DNAH5: variants seen among roughly 807,000 people sequenced by gnomAD.
DNAH5 encodes axonemal beta dynein heavy chain 5.
A neutral mutation model predicts 518.2 loss-of-function variants in DNAH5; 372 were observed. That is an observed-to-expected ratio of 0.72 (90% CI 0.66 to 0.78). DNAH5 has a LOEUF of 0.78. Among genes scored for constraint, DNAH5 ranks in the 30% least tolerant of loss-of-function variants. The probability of loss-of-function intolerance (pLI) is 0.00; values close to 1 mark genes in which losing one functional copy is unlikely to be tolerated. For synonymous variants in DNAH5, 2,039 were observed against 2,025.9 expected, an observed-to-expected ratio of 1.01 and a Z score of -0.17; for missense variants, 5,523 against 5,687.0, an observed-to-expected ratio of 0.97 and a Z score of 0.93.
At chr5:13,951,592 A>G (rs1381202931) in intron 1 of DNAH5, among the ~76,000 whole-genome samples, 1 of 152,092 alleles carries the variant, frequency 6.6e-6, no homozygotes, top group African/African-American at 2.4e-5. Context: ...ATTTCATTTC[A>G]TAAGTCATTA....
intron 60 of DNAH5, among the ~76,000 whole-genome samples, chr5:13,759,447 G>GA (rs1231334232): frequency 2.0e-5 from 3 of 152,064 alleles, no homozygotes; most frequent in African/African-American, 7.2e-5. Context: ...GAGAGTTGTA[G>GA]AAAAAAACAA....
At chr5:13,880,676 C>A (rs1771533504) in intron 21 of DNAH5, among the ~76,000 whole-genome samples, 1 of 150,078 alleles carries the variant, frequency 6.7e-6, no homozygotes, top group Admixed American at 6.6e-5. Context: ...AAACATAAAG[C>A]AAAAGGCCAT....
chr5:13,974,590 C>G (rs1316789342), intron 1 of DNAH5, among the ~76,000 whole-genome samples: 2 of 152,120 alleles, frequency 1.3e-5, no homozygotes, highest in Non-Finnish European at 2.9e-5. Flanking sequence ...TGGCCCAAAA[C>G]CACCCGCTAT....
At position 13,830,728 on chromosome 5, in the gene DNAH5, G is replaced by T; in HGVS notation, c.5930C>A (p.Ala1977Asp). The T allele has an allele frequency of 6.2e-7, 1 of 1,614,154 alleles. No homozygotes were observed. Among genetic ancestry groups the T allele is most frequent in the Non-Finnish European group, 8.5e-7 (1 of 1,180,024 alleles). The stretch of plus-strand genomic sequence containing the variant: ...GCCTGTGCCTGCAGGTCCAGCAGGG[G>T]CTCCCCCCATGCTCATTCCCAGAGC... ...AQALGMSMGG[A>D]PAGPAGTGKT... The change falls in exon 36 of 79, where the codon GCC becomes GAC. Residue 1977 changes from alanine (A) to aspartate (D), a missense_variant. Ala to Asp is a moderately radical substitution (Grantham distance 126). This residue lies in a region of DNAH5 where 5,121 missense variants were observed against 5,223.3 expected (regional missense o/e 0.98). Coordinates refer to ENST00000265104, the MANE Select transcript of DNAH5 (RefSeq NM_001369.3).
chr5:13,891,140 G>A lies in DNAH5; in HGVS notation c.2432-19C>T. 6.2e-7 allele frequency: 1 copy of A among 1,613,302 alleles called. No homozygotes were observed. On this transcript the variant is annotated intron_variant, in intron 16 of 78. Coordinates refer to ENST00000265104, the MANE Select transcript of DNAH5 (RefSeq NM_001369.3). ...AGGTCCTCTTTGGGAAAAAATAAAA[G>A]TAAATAAAAGAGATTAGGTAAAGCA...
intron 9 of DNAH5, among the ~76,000 whole-genome samples, chr5:13,915,019 C>T (rs962071411): frequency 6.6e-6 from 1 of 151,982 alleles, no homozygotes; most frequent in Non-Finnish European, 1.5e-5. Flanking sequence ...AAAGTACTGC[C>T]GATCCTGATC....
intron 30 of DNAH5, among the ~76,000 whole-genome samples, chr5:13,856,213 G>T (rs1400247158): frequency 1.3e-5 from 2 of 152,226 alleles, no homozygotes; most frequent in East Asian, 3.9e-4. Context: ...CCAGGAGCTG[G>T]TTTTTTGAAA....
rs74451896 is a variant in DNAH5, at chr5:13,864,562, G to A, written c.4431C>T (p.Ser1477=). ...LDLKKIIDDF[S]ECCPLLEYMA... is the part of the protein sequence containing the mutation. ...TGTATTCCAGCAGCGGGCAACACTC[G>A]CTGAAATCATCAATGATCTTCTTCA... is the stretch of plus-strand genomic sequence containing the variant. Residue 1477 remains serine, a synonymous_variant, in exon 28 of 79, where the codon AGC becomes AGT. Coordinates refer to ENST00000265104, the MANE Select transcript of DNAH5 (RefSeq NM_001369.3). The A allele has an allele frequency of 3.8e-3, 6,071 of 1,613,982 alleles. 217 individuals carry two copies. In the African/African-American group the frequency reaches 0.07, roughly 19 times the overall value.
intron 17 of DNAH5, among the ~76,000 whole-genome samples, chr5:13,887,124 C>T (rs1248113285): frequency 4.6e-5 from 7 of 152,188 alleles, no homozygotes; most frequent in Non-Finnish European, 1.0e-4. Context: ...TGGAGAGAAA[C>T]ACACATGTGG....
At position 13,850,715 on chromosome 5, in the gene DNAH5, G is replaced by A; in HGVS notation, c.5051C>T (p.Thr1684Ile). 1 of 1,613,968 alleles carries A rather than the reference G, an allele frequency of 6.2e-7. No homozygotes were observed. Among genetic ancestry groups the A allele is most frequent in the Non-Finnish European group, 8.5e-7 (1 of 1,179,936 alleles). The change falls in exon 31 of 79, where the codon ACC becomes ATC. Residue 1684 changes from threonine (T) to isoleucine (I), a missense_variant. Around this residue, in one of 3 missense-constraint regions of DNAH5, gnomAD observed 5,121 missense variants for 5,223.3 expected, o/e 0.98. Coordinates refer to ENST00000265104, the MANE Select transcript of DNAH5 (RefSeq NM_001369.3). Reference protein sequence around the residue: ...SVVQCCVGDETLGQLLPHLLD... With the variant: ...SVVQCCVGDEILGQLLPHLLD... ...CAAGTGTGGTAACAGCTGCCCCAGG[G>A]TCTCATCTCCAACACAGCACTGGAC...
At chr5:13,922,529 C>T (rs1580905086) in intron 4 of DNAH5, among the ~76,000 whole-genome samples, 2 of 151,922 alleles carry the variant, frequency 1.3e-5, no homozygotes, top group East Asian at 1.9e-4. Flanking sequence ...GTGTTCGAGA[C>T]CAGCCTGGGC....
rs145381989 is a variant in DNAH5, at chr5:13,780,918, C to A, written c.8862G>T (p.Leu2954=). The change falls in exon 53 of 79, where the codon CTG becomes CTT. Residue 2954 remains leucine (L), a synonymous_variant. Coordinates refer to ENST00000265104, the MANE Select transcript of DNAH5 (RefSeq NM_001369.3). ...VIRTPQGNAL[L]VGVGGSGKQS... ...GCTTTCCTGATCCGCCCACCCCGAC[C>A]AGGAGGGCATTTCCCTGAGGAGTAC... 2.1e-4 allele frequency: 337 copies of A among 1,613,764 alleles called. 2 individuals carry two copies. In the African/African-American group the frequency reaches 3.3e-3, roughly 16 times the overall value.
intron 15 of DNAH5, among the ~76,000 whole-genome samples, chr5:13,895,422 T>C (rs1188184456): frequency 1.3e-5 from 2 of 152,156 alleles, no homozygotes; most frequent in East Asian, 3.9e-4. Flanking sequence ...TTCTAAACCA[T>C]GCAGAAACAC....
chr5:13,860,750 T>C (rs1455206558), intron 29 of DNAH5, among the ~76,000 whole-genome samples: 1 of 152,204 alleles, frequency 6.6e-6, no homozygotes, highest in East Asian at 1.9e-4. Flanking sequence ...CCATTTTGTA[T>C]GTGGTGTTTC....
At chr5:13,711,320 C>T (rs1270983030) in intron 75 of DNAH5, among the ~76,000 whole-genome samples, 5 of 152,148 alleles carry the variant, frequency 3.3e-5, no homozygotes, top group African/African-American at 9.7e-5. Flanking sequence ...TCCAGCATCG[C>T]TCTATGATTA....
chr5:13,710,737 C>T (rs1364655868), intron 75 of DNAH5, among the ~76,000 whole-genome samples: 1 of 152,112 alleles, frequency 6.6e-6, no homozygotes, highest in Non-Finnish European at 1.5e-5. Flanking sequence ...ATTATGAACA[C>T]CTTTACACAC....
intron 1 of DNAH5, among the ~76,000 whole-genome samples, chr5:13,969,314 T>C (rs1490994469): frequency 1.3e-5 from 2 of 152,174 alleles, no homozygotes; most frequent in Admixed American, 1.3e-4. Flanking sequence ...TTCAATTTCA[T>C]TTAGTTCTGC....
At chr5:13,817,459 A>T in intron 42 of DNAH5, 89 bp downstream of exon 42, 1 of 1,335,778 alleles carries the variant, frequency 7.5e-7, no homozygotes, top group Non-Finnish European at 1.1e-6. Context: ...ATTATACAGC[A>T]AATACAGTTG....
rs750384339 is a variant in DNAH5 at position 13,865,802 on chromosome 5, CTTCT to C, written c.4217_4220del (p.Lys1406SerfsTer3). ...ATATTTTCTGTAGAAGATTTAGTTG[CTTCT>C]TTATTTCAAGAAGCTGAGGATACTG... On this transcript the variant is annotated frameshift_variant, in exon 27 of 79. Coordinates refer to ENST00000265104, the MANE Select transcript of DNAH5 (RefSeq NM_001369.3). LOFTEE classifies it high-confidence loss of function. 1 of 1,613,618 alleles carries C rather than the reference CTTCT, an allele frequency of 6.2e-7. No individual in the cohort carries two copies. The highest frequency in any genetic ancestry group is 8.5e-7 in the Non-Finnish European group (1 of 1,179,660).
Sources: allele counts gnomAD v4.1 joint callset (sites outside exome capture counted in the v4.1 genomes callset), GRCh38; gene constraint gnomAD v4.1.1; regional missense constraint gnomAD v4.1.1; transcripts MANE v1.5; gene names NCBI Gene and HGNC (gene_info 2026-07-23, HGNC 2026-07-21).